ARB2A: variants seen among roughly 807,000 people sequenced by gnomAD.
The protein encoded by ARB2A is cotranscriptional regulator ARB2A.
chr5:93,806,064 T>C, the ARB2A span: 2 of 449,892 alleles, frequency 4.4e-6, no homozygotes, highest in Non-Finnish European at 5.9e-6. Flanking sequence ...AAGTAAATTA[T>C]GCAAGATGAT....
the ARB2A span, among the ~76,000 whole-genome samples, chr5:93,685,505 C>G: frequency 1.3e-5 from 2 of 152,164 alleles, no homozygotes; most frequent in Admixed American, 6.5e-5. Flanking sequence ...AAAATATTCA[C>G]AAGCCCTTCC....
chr5:93,700,230 ATCT>A, the ARB2A span, among the ~76,000 whole-genome samples: 1 of 152,174 alleles, frequency 6.6e-6, no homozygotes, highest in Non-Finnish European at 1.5e-5. Flanking sequence ...ACATGCATAT[ATCT>A]TTACTGTACA....
At chr5:94,031,826 T>C in the ARB2A span, among the ~76,000 whole-genome samples, 1 of 152,210 alleles carries the variant, frequency 6.6e-6, no homozygotes. Context: ...AATCAGCCCA[T>C]GTGTGGCTTG....
chr5:93,630,947 C>T, the ARB2A span, among the ~76,000 whole-genome samples: 2 of 152,036 alleles, frequency 1.3e-5, no homozygotes, highest in Admixed American at 1.3e-4. Flanking sequence ...GGCTGGAGTG[C>T]AATGGTGTGA....
chr5:93,642,205 T>G, the ARB2A span, among the ~76,000 whole-genome samples: 1 of 151,758 alleles, frequency 6.6e-6, no homozygotes, highest in Admixed American at 6.6e-5. Context: ...CTTTTTTTTT[T>G]TTTTGGAGTA....
At chr5:93,817,357 T>C in the ARB2A span, among the ~76,000 whole-genome samples, 3 of 152,184 alleles carry the variant, frequency 2.0e-5, no homozygotes, top group South Asian at 2.1e-4. Context: ...AGAAAGCCCA[T>C]TGTCACGGAT....
chr5:93,865,360 A>G, the ARB2A span: 27 of 983,772 alleles, frequency 2.7e-5, no homozygotes, highest in Admixed American at 3.7e-4. Flanking sequence ...GGATTACAGC[A>G]TGAGCCACCG....
the ARB2A span, among the ~76,000 whole-genome samples, chr5:94,036,430 G>A: frequency 2.2e-3 from 339 of 152,116 alleles, no homozygotes; most frequent in African/African-American, 7.8e-3. Flanking sequence ...ATACAAATGG[G>A]AAAATACAAC....
the ARB2A span, among the ~76,000 whole-genome samples, chr5:94,041,688 G>A: frequency 2.6e-5 from 4 of 152,158 alleles, no homozygotes; most frequent in African/African-American, 9.7e-5. Context: ...TCTAAATTAT[G>A]TAGGACAGAT....
At chr5:93,998,979 G>T in the ARB2A span, among the ~76,000 whole-genome samples, 74 of 152,104 alleles carry the variant, frequency 4.9e-4, no homozygotes, top group East Asian at 7.7e-3. Context: ...AGAATGTTAT[G>T]CTTTGTTTCT....
At chr5:93,768,477 A>G in the ARB2A span, among the ~76,000 whole-genome samples, 2 of 150,212 alleles carry the variant, frequency 1.3e-5, no homozygotes, top group Non-Finnish European at 3.0e-5. Flanking sequence ...ATATATATAT[A>G]TATGTATATA....
At chr5:93,802,264 G>C in the ARB2A span, among the ~76,000 whole-genome samples, 1 of 151,980 alleles carries the variant, frequency 6.6e-6, no homozygotes, top group Admixed American at 6.6e-5. Flanking sequence ...TCAGTTTCTT[G>C]TTTTGTGAAA....
chr5:94,059,728 G>A, the ARB2A span, among the ~76,000 whole-genome samples: 1 of 150,960 alleles, frequency 6.6e-6, no homozygotes, highest in South Asian at 2.1e-4. Flanking sequence ...CAAGACAATG[G>A]TGCAACATTT....
At chr5:93,830,021 T>C in the ARB2A span, among the ~76,000 whole-genome samples, 1 of 152,100 alleles carries the variant, frequency 6.6e-6, no homozygotes. Flanking sequence ...ACTATACAAT[T>C]TGTTGTTCAA....
the ARB2A span, among the ~76,000 whole-genome samples, chr5:93,851,699 T>G: frequency 6.6e-6 from 1 of 152,024 alleles, no homozygotes; most frequent in Non-Finnish European, 1.5e-5. Context: ...TGAGAATATG[T>G]GGTGTTTGGT....
At chr5:94,082,755 T>C in the ARB2A span, among the ~76,000 whole-genome samples, 4 of 152,274 alleles carry the variant, frequency 2.6e-5, no homozygotes, top group South Asian at 8.3e-4. Context: ...TAATACTTTA[T>C]AGCATTTCAT....
the ARB2A span, among the ~76,000 whole-genome samples, chr5:93,885,660 AAAGT>A: frequency 6.6e-6 from 1 of 151,652 alleles, no homozygotes; most frequent in Non-Finnish European, 1.5e-5. Context: ...TATATTGGTA[AAAGT>A]AAGCTTTATA....
At chr5:93,901,075 A>G in the ARB2A span, among the ~76,000 whole-genome samples, 1 of 152,128 alleles carries the variant, frequency 6.6e-6, no homozygotes, top group African/African-American at 2.4e-5. Context: ...CTCTAACCTA[A>G]TATAAGAGAA....
At chr5:94,061,616 C>A in the ARB2A span, among the ~76,000 whole-genome samples, 2 of 152,144 alleles carry the variant, frequency 1.3e-5, no homozygotes, top group African/African-American at 2.4e-5. Flanking sequence ...TATATAATAT[C>A]AACACACAAA....
Sources: allele counts gnomAD v4.1 joint callset (sites outside exome capture counted in the v4.1 genomes callset), GRCh38; gene constraint gnomAD v4.1.1; transcripts MANE v1.5; gene names NCBI Gene and HGNC (gene_info 2026-07-23, HGNC 2026-07-21).